Variants in ACBD5 observed in about 807,000 individuals in gnomAD.
ACBD5 encodes acyl-CoA binding domain containing 5.
In ACBD5, 40 loss-of-function variants were observed where a neutral mutation model predicts 71.8. The ratio of observed to expected loss-of-function variants is 0.56; its 90% CI spans 0.43 to 0.72. The LOEUF (loss-of-function observed/expected upper bound fraction) is 0.72, where lower values mean the gene tolerates loss of function less well. Among genes scored for constraint, ACBD5 ranks in the 30% least tolerant of loss-of-function variants. The pLI, the probability that ACBD5 is intolerant of heterozygous loss-of-function variation, is 0.00. For synonymous variants in ACBD5, 229 were observed against 218.6 expected (o/e 1.05, Z -0.42); for missense variants, 559 against 644.5 (o/e 0.87, Z 1.44).
At chr10:27,208,787 G>A (rs942592468) in intron 9 of ACBD5, among the ~76,000 whole-genome samples, 3 of 151,864 alleles carry the variant, frequency 2.0e-5, no homozygotes, top group African/African-American at 4.8e-5. Context: ...GCAGTGAGCC[G>A]AGATCATGCC....
At chr10:27,201,573 C>T (rs888693035) in intron 12 of ACBD5, among the ~76,000 whole-genome samples, 6 of 152,144 alleles carry the variant, frequency 3.9e-5, no homozygotes, top group African/African-American at 1.4e-4. Context: ...GAAGCCGAGG[C>T]GGCTGGATCA....
At position 27,240,170 on chromosome 10, in the gene ACBD5, T is replaced by C. The variant is rs1341238544; in HGVS notation, c.181+149A>G. 1.6e-6 allele frequency: 2 copies of C among 1,235,976 alleles called. No individual in the cohort carries two copies. Among genetic ancestry groups the C allele is most frequent in the Non-Finnish European group, 2.2e-6 (2 of 898,312 alleles). The allele number at this position is 1,235,976 out of a possible 1,614,324, so 76.6% of individuals were successfully genotyped here. On this transcript the variant is annotated intron_variant, in intron 2 of 12. Transcript: ENST00000396271. This position sits in a 1 kb window ranked among gnomAD's most constrained non-coding sequence, Gnocchi z 4.1. Reference sequence around the variant, plus strand: ...TTCTCCGGTTTGGAAGATCAAAAGGTAATTAATTCATATTCAATAGCTCCC... The same window carrying C: ...TTCTCCGGTTTGGAAGATCAAAAGGCAATTAATTCATATTCAATAGCTCCC...
At chr10:27,233,873 T>C (rs184224535) in intron 3 of ACBD5, among the ~76,000 whole-genome samples, 4 of 152,228 alleles carry the variant, frequency 2.6e-5, no homozygotes, top group African/African-American at 9.6e-5. Context: ...GGAGAAACCC[T>C]GTCTCTACTA....
chr10:27,219,316 C>CAAACA (rs1554846339), intron 6 of ACBD5, among the ~76,000 whole-genome samples: 3 of 149,874 alleles, frequency 2.0e-5, no homozygotes, highest in East Asian at 2.0e-4. Flanking sequence ...CATAAAAAAA[C>CAAACA]AAAAAAAAAA....
At chr10:27,210,732 T>TG in intron 9 of ACBD5, 82 bp downstream of exon 9, 1 of 1,590,556 alleles carries the variant, frequency 6.3e-7, no homozygotes, top group South Asian at 1.1e-5. Context: ...CACACCAGCC[T>TG]GGGCGACAGA....
chr10:27,185,744 A>G (rs563281524), intron 13 of ACBD5, among the ~76,000 whole-genome samples: 42 of 149,558 alleles, frequency 2.8e-4, no homozygotes, highest in African/African-American at 1.0e-3. Context: ...CCAAGATTGC[A>G]CCACTACACT....
In ACBD5 at chr10:27,200,642, A is replaced by G. The variant is rs903934004; in HGVS notation, c.1566-3200T>C. Among the ~76,000 whole-genome samples, 6 of 152,042 alleles carry G rather than the reference A, an allele frequency of 3.9e-5. No homozygotes were observed. The East Asian group carries it at 7.7e-4, about 20-fold the overall frequency. ...CCCAGCTAATTTCTGTATTTTTAGT[A>G]GAGATAGAGTTTCACCATGTTGGTC... is the stretch of plus-strand genomic sequence containing the variant. On this transcript the variant is annotated intron_variant, in intron 12 of 12. Coordinates refer to ENST00000396271, the MANE Select transcript of ACBD5 (RefSeq NM_145698.5).
At chr10:27,189,440 A>C (rs2058966458) in intron 13 of ACBD5, among the ~76,000 whole-genome samples, 1 of 152,214 alleles carries the variant, frequency 6.6e-6, no homozygotes, top group Non-Finnish European at 1.5e-5. Flanking sequence ...CAGGAGTTAG[A>C]GACTACCCTG....
chr10:27,235,524 T>C (rs2064543896), intron 2 of ACBD5, among the ~76,000 whole-genome samples: 1 of 152,200 alleles, frequency 6.6e-6, no homozygotes, highest in Non-Finnish European at 1.5e-5. Context: ...CATACTAAAA[T>C]ATAGAATAAC....
chr10:27,224,979 C>T (rs888973543), intron 4 of ACBD5, among the ~76,000 whole-genome samples: 16 of 151,854 alleles, frequency 1.1e-4, no homozygotes, highest in Non-Finnish European at 1.6e-4. Flanking sequence ...TGCAGTGAGC[C>T]AACATCACAC....
chr10:27,208,522 T>A, intron 9 of ACBD5, 77 bp from the exon 10 acceptor site: 1 of 1,523,902 alleles, frequency 6.6e-7, no homozygotes, highest in Non-Finnish European at 9.0e-7. Flanking sequence ...CATTTTCCTC[T>A]GTTATTTCTT....
chr10:27,204,636 T>C lies in ACBD5; in HGVS notation c.1456-87A>G, dbSNP rs1333618261. ...CATACCTAATTCATAATTTTGAAAG[T>C]AGAAAAGAAAATTAGTAACAAATCT... On this transcript the variant is annotated intron_variant, in intron 11 of 12. Transcript: ENST00000396271. 4.2e-6 allele frequency: 4 copies of C among 943,254 alleles called. No individual in the cohort carries two copies. Among genetic ancestry groups the C allele is most frequent in the Non-Finnish European group, 6.7e-6 (4 of 596,420 alleles). 58.4% of individuals were successfully genotyped at this position (943,254 alleles called of 1,614,324 possible).
At chr10:27,223,668 G>A (rs542074421) in intron 4 of ACBD5, among the ~76,000 whole-genome samples, 1 of 152,134 alleles carries the variant, frequency 6.6e-6, no homozygotes, top group Non-Finnish European at 1.5e-5. Flanking sequence ...CACTTTGGGA[G>A]GCCAAGGCAG....
chr10:27,216,743 C>G (rs2061674814), intron 7 of ACBD5, among the ~76,000 whole-genome samples: 1 of 152,096 alleles, frequency 6.6e-6, no homozygotes, highest in Non-Finnish European at 1.5e-5. Flanking sequence ...ATAAAGACAG[C>G]CTAGATGAAA....
intron 2 of ACBD5, among the ~76,000 whole-genome samples, chr10:27,239,574 T>C (rs995994309): frequency 6.7e-6 from 1 of 148,802 alleles, no homozygotes; most frequent in African/African-American, 2.5e-5. Context: ...TACAATGGAA[T>C]AGCAAATAAA....
rs917288454 is a variant in ACBD5, at chr10:27,196,101, G to C, written c.*1329C>G. The C allele has an allele frequency of 2.2e-6, 1 of 445,282 alleles. No individual in the cohort carries two copies. Among genetic ancestry groups the C allele is most frequent in the Non-Finnish European group, 4.5e-6 (1 of 222,972 alleles). The allele number at this position is 445,282 out of a possible 1,614,324, so 27.6% of individuals were successfully genotyped here. On this transcript the variant is annotated 3_prime_UTR_variant, in exon 13 of 13. Coordinates refer to ENST00000396271, the MANE Select transcript of ACBD5 (RefSeq NM_145698.5). ...CCTGTAATCCCAGCTACTTGGGAGTGAGGCAGGAGAATCACTTGAACCCAG... is the reference window on the plus strand; with the variant it reads ...CCTGTAATCCCAGCTACTTGGGAGTCAGGCAGGAGAATCACTTGAACCCAG...
rs965128859 is a variant in ACBD5, at chr10:27,195,399, C to T, written c.*2031G>A. 55 of 454,266 alleles carry T rather than the reference C, an allele frequency of 1.2e-4. No homozygotes were observed. In the Admixed American group the frequency reaches 1.3e-3, roughly 11 times the overall value. The allele number at this position is 454,266 out of a possible 1,614,324, so 28.1% of individuals were successfully genotyped here. ...AACTGTGTGCAAAGTGCTTTTCAAA[C>T]TATAAAATAAGACTTTGGAACAGGA... On this transcript the variant is annotated 3_prime_UTR_variant, in exon 13 of 13. Coordinates refer to ENST00000396271, the MANE Select transcript of ACBD5 (RefSeq NM_145698.5).
intron 5 of ACBD5, 83 bp downstream of exon 5, chr10:27,223,255 A>G (rs1162288626): frequency 1.9e-6 from 2 of 1,055,246 alleles, no homozygotes; most frequent in Non-Finnish European, 3.0e-6. Context: ...GCGTGAAAGT[A>G]AGAAAAAAAA....
downstream of ACBD5, among the ~76,000 whole-genome samples, chr10:27,193,114 C>CGTGTGTGTGTGTGT (rs58983291): frequency 1.5e-4 from 12 of 80,298 alleles, 1 homozygote; most frequent in Non-Finnish European, 1.4e-4. Context: ...TTCCTTCCTT[C>CGTGTGTGTGTGTGT]GTGTGTGTGT....
Sources: gnomAD v4.1 joint callset for allele counts (sites outside exome capture counted in the v4.1 genomes callset) on GRCh38, gnomAD v4.1.1 for gene constraint, Gnocchi (gnomAD v3.1) non-coding constraint, MANE v1.5 for transcripts, NCBI Gene and HGNC (gene_info 2026-07-23, HGNC 2026-07-21) for gene names.